Variants in LIN7A observed in about 807,000 individuals in gnomAD.
The protein encoded by LIN7A is protein lin-7 homolog A.
LIN7A carries 25 observed loss-of-function variants against 29.8 expected under a neutral mutation model. The observed-to-expected ratio is 0.84, with a 90% confidence interval of 0.61 to 1.17. The LOEUF is 1.17. Ranked by LOEUF, LIN7A falls within the 50% of genes most tolerant of loss-of-function variation. The pLI is 0.00. For synonymous variants in LIN7A, 118 were observed against 107.5 expected (o/e 1.10, Z -0.60); for missense variants, 239 against 287.0 (o/e 0.83, Z 1.21).
intron 1 of LIN7A, among the ~76,000 whole-genome samples, chr12:80,917,000 T>TA (rs1247478834): frequency 6.6e-6 from 1 of 152,122 alleles, no homozygotes; most frequent in Non-Finnish European, 1.5e-5. Flanking sequence ...GGTCAGTTAA[T>TA]AAAAATGTTA....
intron 2 of LIN7A, among the ~76,000 whole-genome samples, chr12:80,885,685 C>A (rs1407851821): frequency 1.3e-5 from 2 of 152,040 alleles, no homozygotes; most frequent in African/African-American, 4.8e-5. Flanking sequence ...TCATTCAGTA[C>A]TGATCTCAGC....
rs1362007917 is a variant in LIN7A at position 80,794,171 on chromosome 12, G to GT, written c.*3555dup. On this transcript the variant is annotated 3_prime_UTR_variant, in exon 6 of 6. Transcript: ENST00000552864. ...GAGATTTTCAGAAGGCAAAATCCAT[G>GT]TTTTTTGTCTATTCACTGATTCAGC... is the stretch of plus-strand genomic sequence containing the variant. 1 of 152,140 alleles carries GT rather than the reference G, an allele frequency of 6.6e-6. No individual in the cohort carries two copies. The highest frequency in any genetic ancestry group is 1.5e-5 in the Non-Finnish European group (1 of 68,004). The allele number at this position is 152,140 out of a possible 1,614,324, so 9.4% of individuals were successfully genotyped here. A position where few individuals can be genotyped will look rare whatever the true frequency, so the allele number is the denominator to read the frequency against.
chr12:80,800,033 C>T (rs989574755), intron 5 of LIN7A, among the ~76,000 whole-genome samples: 4 of 151,852 alleles, frequency 2.6e-5, no homozygotes, highest in African/African-American at 9.7e-5. Context: ...TCTAGCCAAG[C>T]TAACAAAAAG....
intron 1 of LIN7A, among the ~76,000 whole-genome samples, chr12:80,907,192 A>G (rs1329629475): frequency 6.6e-6 from 1 of 152,072 alleles, no homozygotes; most frequent in East Asian, 1.9e-4. Context: ...GATAATTACC[A>G]TATTTTCACT....
intron 1 of LIN7A, among the ~76,000 whole-genome samples, chr12:80,895,038 A>T (rs2120687247): frequency 6.6e-6 from 1 of 152,330 alleles, no homozygotes; most frequent in Non-Finnish European, 1.5e-5. Context: ...GATTCAAAAT[A>T]AAATAATAAA....
At chr12:80,827,214 C>T (rs570917063) in intron 4 of LIN7A, among the ~76,000 whole-genome samples, 2 of 152,140 alleles carry the variant, frequency 1.3e-5, no homozygotes, top group South Asian at 4.2e-4. Flanking sequence ...GGTGAAACCC[C>T]ATCTCTACTA....
At chr12:80,914,248 T>C (rs1876918144) in intron 1 of LIN7A, among the ~76,000 whole-genome samples, 2 of 152,218 alleles carry the variant, frequency 1.3e-5, no homozygotes, top group African/African-American at 4.8e-5. Flanking sequence ...TTTCGTCGTC[T>C]GCATATTACA....
chr12:80,925,514 C>T (rs1365245302), intron 1 of LIN7A, among the ~76,000 whole-genome samples: 1 of 152,162 alleles, frequency 6.6e-6, no homozygotes, highest in African/African-American at 2.4e-5. Flanking sequence ...TGGGTAGTTA[C>T]TATATGTCAG....
In LIN7A at chr12:80,811,597, T is replaced by TG; in HGVS notation, c.569dup (p.Val192SerfsTer10). 2 of 1,614,120 alleles carry TG rather than the reference T, an allele frequency of 1.2e-6. No homozygotes were observed. Among genetic ancestry groups the TG allele is most frequent in the Non-Finnish European group, 1.7e-6 (2 of 1,180,014 alleles). ...GAGCCTCCATTTCTTCCAGAACTTTTGGGGTGTATCGCACCACCAGCTTGA... is the reference window on the plus strand; with the variant it reads ...GAGCCTCCATTTCTTCCAGAACTTTTGGGGGTGTATCGCACCACCAGCTTGA... On this transcript the variant is annotated frameshift_variant, in exon 5 of 6. Transcript: ENST00000552864. LOFTEE classifies it high-confidence loss of function.
intron 2 of LIN7A, among the ~76,000 whole-genome samples, chr12:80,857,544 G>C (rs1202592397): frequency 1.3e-5 from 2 of 152,246 alleles, no homozygotes; most frequent in Non-Finnish European, 2.9e-5. Context: ...ACATGACTCA[G>C]ACATTTTGCT....
At chr12:80,934,487 G>T (rs1878097909) in intron 1 of LIN7A, among the ~76,000 whole-genome samples, 1 of 152,170 alleles carries the variant, frequency 6.6e-6, no homozygotes, top group Non-Finnish European at 1.5e-5. Flanking sequence ...CCTTGAAAAA[G>T]CTTACTTCCC....
chr12:80,858,474 A>G (rs1873708480), intron 2 of LIN7A, among the ~76,000 whole-genome samples: 3 of 151,740 alleles, frequency 2.0e-5, no homozygotes, highest in South Asian at 4.2e-4. Flanking sequence ...TCTACTCTAC[A>G]TGGCAGGTGG....
At chr12:80,928,985 A>C (rs921253171) in intron 1 of LIN7A, among the ~76,000 whole-genome samples, 1 of 152,152 alleles carries the variant, frequency 6.6e-6, no homozygotes, top group African/African-American at 2.4e-5. Context: ...ATGCTGTATT[A>C]GTGTTTTTCT....
chr12:80,891,543 C>T (rs960237392), intron 1 of LIN7A, among the ~76,000 whole-genome samples: 4 of 152,168 alleles, frequency 2.6e-5, no homozygotes, highest in Non-Finnish European at 5.9e-5. Context: ...TGCAGTAGTG[C>T]TAGCCCTGGG....
chr12:80,837,564 G>A (rs1484453275), intron 4 of LIN7A, among the ~76,000 whole-genome samples: 1 of 152,172 alleles, frequency 6.6e-6, no homozygotes, highest in Non-Finnish European at 1.5e-5. Context: ...AGGGAGCACA[G>A]CCCTGTTGAT....
At chr12:80,815,356 T>C (rs867155180) in intron 4 of LIN7A, among the ~76,000 whole-genome samples, 1 of 152,128 alleles carries the variant, frequency 6.6e-6, no homozygotes, top group Non-Finnish European at 1.5e-5. Context: ...AAAGATCTAC[T>C]CAGTTAGGGT....
intron 4 of LIN7A, among the ~76,000 whole-genome samples, chr12:80,825,629 G>A (rs1019074201): frequency 6.6e-5 from 10 of 152,146 alleles, no homozygotes; most frequent in African/African-American, 2.4e-4. Flanking sequence ...GGAAGTTTTT[G>A]AGAAATCTTA....
Position 80,811,667 on chromosome 12 carries a change from T to A in LIN7A, c.500A>T (p.His167Leu). 1 of 1,611,206 alleles carries A rather than the reference T, an allele frequency of 6.2e-7. No individual in the cohort carries two copies. Among genetic ancestry groups the A allele is most frequent in the Non-Finnish European group, 8.5e-7 (1 of 1,177,528 alleles). The change falls in exon 5 of 6, where the codon CAC becomes CTC. Residue 167 changes from histidine (H) to leucine (L), a missense_variant. Coordinates refer to ENST00000552864, the MANE Select transcript of LIN7A (RefSeq NM_004664.4). Reference sequence around the variant, plus strand: ...GAGTAGTTCCACAGCTTTCTCATGGTGTTCTCCTTCCACACTCTGAAAATA... The same window carrying A: ...GAGTAGTTCCACAGCTTTCTCATGGAGTTCTCCTTCCACACTCTGAAAATA... ...SVNGVSVEGE[H>L]HEKAVELLKA...
intron 1 of LIN7A, among the ~76,000 whole-genome samples, chr12:80,927,962 G>T (rs532852242): frequency 6.6e-6 from 1 of 152,136 alleles, no homozygotes; most frequent in Non-Finnish European, 1.5e-5. Context: ...GCGGTGTTTG[G>T]TTTTCTGTCC....
Sources: gnomAD v4.1 joint callset for allele counts (sites outside exome capture counted in the v4.1 genomes callset) on GRCh38, gnomAD v4.1.1 for gene constraint, MANE v1.5 for transcripts, NCBI Gene and HGNC (gene_info 2026-07-23, HGNC 2026-07-21) for gene names.